STK39: variants seen among roughly 807,000 people sequenced by gnomAD.
The protein encoded by STK39 is STE20/SPS1-related proline-alanine-rich protein kinase.
In STK39, 20 loss-of-function variants were observed where a neutral mutation model predicts 77.8. That is an observed-to-expected ratio of 0.26 (90% CI 0.18 to 0.37). The LOEUF (loss-of-function observed/expected upper bound fraction) is 0.37, where lower values mean the gene tolerates loss of function less well. Ranked by LOEUF, STK39 falls within the 10% of genes least tolerant of loss-of-function variation. The pLI is 1.00. For synonymous variants in STK39, 246 were observed against 234.1 expected, an observed-to-expected ratio of 1.05 and a Z score of -0.47; for missense variants, 479 against 656.5, an observed-to-expected ratio of 0.73 and a Z score of 2.95.
At chr2:168,014,749 C>A (rs968724840) in intron 15 of STK39, among the ~76,000 whole-genome samples, 4 of 152,172 alleles carry the variant, frequency 2.6e-5, no homozygotes, top group African/African-American at 9.6e-5. Context: ...ACTGATTGGT[C>A]ATCTGCTGAA....
intron 1 of STK39, among the ~76,000 whole-genome samples, chr2:168,219,238 A>G (rs1188252894): frequency 6.6e-6 from 1 of 151,810 alleles, no homozygotes; most frequent in Non-Finnish European, 1.5e-5. Flanking sequence ...GTGAGCCAAG[A>G]TTGAGCCACT....
chr2:168,151,517 G>T lies in STK39; in HGVS notation c.628+10270C>A, dbSNP rs560241148. The stretch of plus-strand genomic sequence containing the variant: ...TTTGGGAGGCCGAGGCAGTCAGATT[G>T]CAAGGTCAGGAGATCGAGACCATCC... On this transcript the variant is annotated intron_variant, in intron 5 of 17. Coordinates refer to ENST00000355999, the MANE Select transcript of STK39 (RefSeq NM_013233.3). Among the ~76,000 whole-genome samples the T allele has an allele frequency of 5.2e-4, 79 of 152,120 alleles. 1 individual carries two copies. The highest frequency in any genetic ancestry group is 8.7e-4 in the Non-Finnish European group (59 of 67,982).
chr2:168,015,358 T>G (rs1158719835), intron 15 of STK39, among the ~76,000 whole-genome samples: 1 of 152,250 alleles, frequency 6.6e-6, no homozygotes, highest in Non-Finnish European at 1.5e-5. Context: ...AGATTTACTG[T>G]AAGCAAAGTC....
Position 168,163,897 on chromosome 2 carries a change from A to G in STK39, c.431-17T>C. The G allele has an allele frequency of 6.2e-7, 1 of 1,610,218 alleles. No individual in the cohort carries two copies. Among genetic ancestry groups the G allele is most frequent in the Non-Finnish European group, 8.5e-7 (1 of 1,178,620 alleles). On this transcript the variant is annotated splice_polypyrimidine_tract_variant and intron_variant, in intron 3 of 17. Transcript: ENST00000355999. ...ACATTGAACCTAAGTAGACAAACAG[A>G]AGAATTAAAACATAAGCACCTTCAT... is the stretch of plus-strand genomic sequence containing the variant.
chr2:168,104,644 CAGGGCCACTAATT>C (rs2105457887), intron 10 of STK39, among the ~76,000 whole-genome samples: 1 of 152,050 alleles, frequency 6.6e-6, no homozygotes, highest in South Asian at 2.1e-4. Flanking sequence ...TCATGTTTTC[CAGGGCCACTAATT>C]AGGGCTTCAT....
intron 16 of STK39, among the ~76,000 whole-genome samples, chr2:168,008,339 A>C (rs1195083738): frequency 6.6e-6 from 1 of 152,152 alleles, no homozygotes; most frequent in African/African-American, 2.4e-5. Flanking sequence ...CATTCAGATG[A>C]GTTGGATGTG....
At chr2:168,012,785 C>A in intron 15 of STK39, 83 bp from the exon 16 acceptor site, 1 of 1,148,210 alleles carries the variant, frequency 8.7e-7, no homozygotes, top group South Asian at 2.0e-5. Flanking sequence ...ATATATTTTT[C>A]ATTTACTAAA....
chr2:167,997,891 G>A (rs573970814), intron 16 of STK39, among the ~76,000 whole-genome samples: 1 of 151,982 alleles, frequency 6.6e-6, no homozygotes, highest in Non-Finnish European at 1.5e-5. Flanking sequence ...ATGAGACACA[G>A]AAAAACCGAT....
At chr2:168,158,065 T>C (rs1371944496) in intron 5 of STK39, among the ~76,000 whole-genome samples, 2 of 152,192 alleles carry the variant, frequency 1.3e-5, no homozygotes, top group Non-Finnish European at 2.9e-5. Context: ...AGCACTAAGC[T>C]CTTCCTGACA....
intron 12 of STK39, among the ~76,000 whole-genome samples, chr2:168,071,965 C>T (rs1480512000): frequency 6.6e-6 from 1 of 151,608 alleles, no homozygotes; most frequent in Non-Finnish European, 1.5e-5. Context: ...CCCTGAAATA[C>T]ATACACAAAA....
intron 16 of STK39, among the ~76,000 whole-genome samples, chr2:168,002,617 T>A (rs577987294): frequency 1.4e-3 from 217 of 152,336 alleles, no homozygotes; most frequent in African/African-American, 5.0e-3. Flanking sequence ...TCCGCTTAAT[T>A]CCTCTGAGTT....
chr2:167,973,251 G>T (rs1692400289), intron 16 of STK39, among the ~76,000 whole-genome samples: 2 of 145,390 alleles, frequency 1.4e-5, no homozygotes, highest in African/African-American at 5.7e-5. Flanking sequence ...AAGACATTTG[G>T]ACTAAATTAG....
chr2:168,189,298 C>A (rs550918105), intron 1 of STK39, among the ~76,000 whole-genome samples: 1 of 151,738 alleles, frequency 6.6e-6, no homozygotes, highest in African/African-American at 2.4e-5. Flanking sequence ...GATAATACCA[C>A]AGAAAAATAA....
intron 16 of STK39, among the ~76,000 whole-genome samples, chr2:167,980,308 A>G (rs978434963): frequency 2.0e-5 from 3 of 152,248 alleles, no homozygotes; most frequent in African/African-American, 7.2e-5. Context: ...AATATGCCAA[A>G]GGAAAAGAAA....
At chr2:168,152,343 CTGAT>C (rs1688310742) in intron 5 of STK39, among the ~76,000 whole-genome samples, 1 of 152,216 alleles carries the variant, frequency 6.6e-6, no homozygotes, top group African/African-American at 2.4e-5. Flanking sequence ...AGACAATCCT[CTGAT>C]TTGAATTCTT....
At chr2:168,167,432 T>TTTCTTTCTATAAAA (rs1454499532) in intron 2 of STK39, 25 bp from the exon 3 acceptor site, 2 of 1,602,338 alleles carry the variant, frequency 1.2e-6, no homozygotes, top group South Asian at 2.2e-5. Flanking sequence ...AAACATGACA[T>TTTCTTTCTATAAAA]AGTACCATGG....
chr2:168,110,954 A>G (rs1687106556), intron 10 of STK39, among the ~76,000 whole-genome samples: 1 of 152,138 alleles, frequency 6.6e-6, no homozygotes. Flanking sequence ...CTTCCAATAA[A>G]TTTTATACTT....
intron 1 of STK39, among the ~76,000 whole-genome samples, chr2:168,218,960 C>T (rs541768025): frequency 3.3e-5 from 5 of 151,882 alleles, no homozygotes; most frequent in Non-Finnish European, 5.9e-5. Flanking sequence ...AGCTACCAGA[C>T]GAAATAAGCT....
At chr2:167,961,832 T>A (rs1234412326) in intron 17 of STK39, among the ~76,000 whole-genome samples, 4 of 152,186 alleles carry the variant, frequency 2.6e-5, no homozygotes, top group African/African-American at 9.7e-5. Context: ...AATAAGAATA[T>A]CTGTCGTAAG....
Sources: allele counts gnomAD v4.1 joint callset (sites outside exome capture counted in the v4.1 genomes callset), GRCh38; gene constraint gnomAD v4.1.1; transcripts MANE v1.5; gene names NCBI Gene and HGNC (gene_info 2026-07-23, HGNC 2026-07-21).